JAM3: variants seen among roughly 807,000 people sequenced by gnomAD.
JAM3 encodes junctional adhesion molecule C.
JAM3 carries 31 observed loss-of-function variants against 39.4 expected under a neutral mutation model. The observed-to-expected ratio is 0.79, with a 90% CI of 0.59 to 1.06. The LOEUF is 1.06. Ranked by LOEUF, JAM3 falls within the 50% of genes least tolerant of loss-of-function variation. The pLI is 0.00. For missense variants in JAM3, 455 were observed against 391.4 expected (o/e 1.16, Z -1.37); for synonymous variants, 182 against 148.7 (o/e 1.22, Z -1.63).
At position 134,149,548 on chromosome 11, in the gene JAM3, TCAG is replaced by T. The variant is rs1943151464; in HGVS notation, c.*372_*374del. On this transcript the variant is annotated 3_prime_UTR_variant, in exon 9 of 9. Transcript: ENST00000299106. ...AGCCAGCATGTTCACCACTGGTCGTTCAGCAGCCACGACAGCACCATGTGAGAT... is the reference window on the plus strand; with the variant it reads ...AGCCAGCATGTTCACCACTGGTCGTTCAGCCACGACAGCACCATGTGAGAT... The T allele has an allele frequency of 2.0e-6, 1 of 491,990 alleles. No individual in the cohort carries two copies. The highest frequency in any genetic ancestry group is 1.5e-5 in the South Asian group (1 of 64,638). 30.5% of individuals were successfully genotyped at this position (491,990 alleles called of 1,614,324 possible). A position where few individuals can be genotyped will look rare whatever the true frequency, so the allele number is the denominator to read the frequency against.
At position 134,091,367 on chromosome 11, in the gene JAM3, C is replaced by T. The variant is rs76153672; in HGVS notation, c.76+22208C>T. 5.0e-3 allele frequency among the ~76,000 whole-genome samples: 762 copies of T among 152,128 alleles called. 3 individuals are homozygous for T. Among genetic ancestry groups the T allele is most frequent in the African/African-American group, 0.016 (671 of 41,512 alleles). On this transcript the variant is annotated intron_variant, in intron 1 of 8. Transcript: ENST00000299106. ...AAAATTAGCCAGGTGTGGTGGCACG[C>T]GCCTGTAGTCCCAGCTACTCAGGAG...
chr11:134,089,482 C>G (rs150298319), intron 1 of JAM3, among the ~76,000 whole-genome samples: 3 of 152,010 alleles, frequency 2.0e-5, no homozygotes, highest in Admixed American at 2.0e-4. Flanking sequence ...CAACAGGCCC[C>G]GGTGTTTGAT....
rs932171106 is a variant in JAM3 at position 134,076,617 on chromosome 11, G to C, written c.76+7458G>C. Among the ~76,000 whole-genome samples, 8 of 152,160 alleles carry C rather than the reference G, an allele frequency of 5.3e-5. 1 individual carries two copies. The highest frequency in any genetic ancestry group is 5.2e-4 in the Admixed American group (8 of 15,276). On this transcript the variant is annotated intron_variant, in intron 1 of 8. Coordinates refer to ENST00000299106, the MANE Select transcript of JAM3 (RefSeq NM_032801.5). Reference sequence around the variant, plus strand: ...TTGTATTATAAATGGATATTTGATTGATATTAATCTGTGAAAATCTAGGCC... The same window carrying C: ...TTGTATTATAAATGGATATTTGATTCATATTAATCTGTGAAAATCTAGGCC...
At chr11:134,098,149 C>T (rs761623720) in intron 1 of JAM3, among the ~76,000 whole-genome samples, 1 of 152,132 alleles carries the variant, frequency 6.6e-6, no homozygotes, top group African/African-American at 2.4e-5. Context: ...CACCCAAGCT[C>T]TGCTCTCCAG....
intron 1 of JAM3, among the ~76,000 whole-genome samples, chr11:134,098,600 C>T (rs1591780554): frequency 6.6e-6 from 1 of 152,144 alleles, no homozygotes; most frequent in Admixed American, 6.5e-5. Flanking sequence ...TTCGCCTTAG[C>T]TAAAATGGCA....
chr11:134,114,713 TTGTA>T (rs2120743642), intron 1 of JAM3, among the ~76,000 whole-genome samples: 1 of 152,356 alleles, frequency 6.6e-6, no homozygotes, highest in South Asian at 2.1e-4. Context: ...AAAACAAACT[TTGTA>T]TGACTTGAAT....
chr11:134,138,941 G>T (rs1212730458), intron 1 of JAM3, among the ~76,000 whole-genome samples: 1 of 152,200 alleles, frequency 6.6e-6, no homozygotes, highest in Admixed American at 6.5e-5. Flanking sequence ...GCAGCTTGGA[G>T]CAGAGTTGCT....
chr11:134,149,891 T>C lies in JAM3; in HGVS notation c.*710T>C. On this transcript the variant is annotated 3_prime_UTR_variant, in exon 9 of 9. Transcript: ENST00000299106. ...AGTCTGAAATGGTACTGAAATATGC[T>C]TTTCTATGGGTCTTGTTTATTTTAT... 4.5e-6 allele frequency: 1 copy of C among 223,074 alleles called. No individual in the cohort carries two copies. The highest frequency in any genetic ancestry group is 9.2e-6 in the Non-Finnish European group (1 of 108,992). The allele number at this position is 223,074 out of a possible 1,614,324, so 13.8% of individuals were successfully genotyped here.
At chr11:134,102,126 A>G (rs1289081859) in intron 1 of JAM3, among the ~76,000 whole-genome samples, 1 of 152,204 alleles carries the variant, frequency 6.6e-6, no homozygotes, top group Non-Finnish European at 1.5e-5. Context: ...CATTTCATAG[A>G]TGAGAAAACT....
intron 1 of JAM3, among the ~76,000 whole-genome samples, chr11:134,090,931 GTAAC>G (rs1266990106): frequency 1.3e-5 from 2 of 152,194 alleles, no homozygotes; most frequent in African/African-American, 4.8e-5. Context: ...GACATTTAGA[GTAAC>G]TATGCACCAT....
chr11:134,069,830 C>G (rs1328107088), intron 1 of JAM3, among the ~76,000 whole-genome samples: 1 of 152,206 alleles, frequency 6.6e-6, no homozygotes, highest in East Asian at 1.9e-4. Flanking sequence ...GTTCATTTGA[C>G]TCGACACAAA....
intron 1 of JAM3, among the ~76,000 whole-genome samples, chr11:134,104,176 T>A (rs958427140): frequency 6.6e-6 from 1 of 152,194 alleles, no homozygotes; most frequent in Non-Finnish European, 1.5e-5. Context: ...CACAGTGCAA[T>A]CAAACTAGAA....
intron 6 of JAM3, among the ~76,000 whole-genome samples, chr11:134,147,274 C>CA (rs1026988895): frequency 1.3e-4 from 19 of 151,536 alleles, no homozygotes; most frequent in Non-Finnish European, 1.9e-4. Flanking sequence ...GCCAACATGC[C>CA]AAAACTCTGT....
intron 1 of JAM3, among the ~76,000 whole-genome samples, chr11:134,077,723 G>C (rs578235018): frequency 7.2e-6 from 1 of 139,242 alleles, no homozygotes; most frequent in Non-Finnish European, 1.5e-5. Context: ...TGGAAATCTC[G>C]GCTCGGAAAT....
intron 1 of JAM3, chr11:134,123,969 C>T: frequency 6.6e-7 from 1 of 1,513,330 alleles, no homozygotes. Flanking sequence ...GTACTTCATT[C>T]CATATTCAAT....
At chr11:134,081,035 G>C (rs907401763) in intron 1 of JAM3, among the ~76,000 whole-genome samples, 3 of 152,204 alleles carry the variant, frequency 2.0e-5, no homozygotes, top group Admixed American at 1.3e-4. Flanking sequence ...TTTTGCCCCT[G>C]CCCTAGAGAT....
At chr11:134,102,692 A>G (rs971294001) in intron 1 of JAM3, among the ~76,000 whole-genome samples, 33 of 152,386 alleles carry the variant, frequency 2.2e-4, no homozygotes, top group African/African-American at 6.5e-4. Flanking sequence ...GCTGAAAACC[A>G]TGGCATGAGA....
chr11:134,105,995 CTACTT>C (rs916194876), intron 1 of JAM3, among the ~76,000 whole-genome samples: 61 of 152,338 alleles, frequency 4.0e-4, no homozygotes, highest in African/African-American at 1.3e-3. Context: ...TTGGAAAAAA[CTACTT>C]TAAAGTTCCT....
At chr11:134,117,601 A>G (rs1361269902) in intron 1 of JAM3, among the ~76,000 whole-genome samples, 1 of 152,082 alleles carries the variant, frequency 6.6e-6, no homozygotes, top group East Asian at 1.9e-4. Flanking sequence ...TTTATAGCAT[A>G]TTTATTTTTC....
Sources: allele counts gnomAD v4.1 joint callset (sites outside exome capture counted in the v4.1 genomes callset), GRCh38; gene constraint gnomAD v4.1.1; transcripts MANE v1.5; gene names NCBI Gene and HGNC (gene_info 2026-07-23, HGNC 2026-07-21).